PI16: variants seen among roughly 807,000 people sequenced by gnomAD.
PI16 encodes peptidase inhibitor 16, also known as PSP94-binding protein.
In PI16, 35 loss-of-function variants were observed where a neutral mutation model predicts 38.0. The ratio of observed to expected loss-of-function variants is 0.92; its 90% CI spans 0.70 to 1.22. The LOEUF is 1.22. Among genes scored for constraint, PI16 ranks in the 50% most tolerant of loss-of-function variants. The pLI is 0.00. For synonymous variants in PI16, 275 were observed against 252.9 expected (o/e 1.09, Z -0.83); for missense variants, 572 against 593.8 (o/e 0.96, Z 0.38).
At position 36,963,347 on chromosome 6, in the gene PI16, C is replaced by A; in HGVS notation, c.1005C>A (p.Asn335Lys). 6.2e-7 allele frequency: 1 copy of A among 1,614,204 alleles called. No individual in the cohort carries two copies. The highest frequency in any genetic ancestry group is 8.5e-7 in the Non-Finnish European group (1 of 1,180,030). ...AAGTGCCCTCTAGGAGCCCAGAGAA[C>A]TCTCTGGACCCCAAGATGTCCCTGA... Reference protein sequence around the residue: ...KTKVPSRSPENSLDPKMSLTG... With the variant: ...KTKVPSRSPEKSLDPKMSLTG... Residue 335 changes from asparagine (N) to lysine (K), a missense_variant, in exon 5 of 7, where the codon AAC becomes AAA. Physicochemically the swap from Asn to Lys is moderately conservative, Grantham distance 94 (BLOSUM62 0). Coordinates refer to ENST00000373674, the MANE Select transcript of PI16 (RefSeq NM_153370.3).
At chr6:36,956,059 T>G (rs1763197177) in intron 1 of PI16, among the ~76,000 whole-genome samples, 1 of 152,122 alleles carries the variant, frequency 6.6e-6, no homozygotes, top group Non-Finnish European at 1.5e-5. Context: ...CTCAGCCTAA[T>G]GTGATCTGGC....
At chr6:36,959,879 A>T (rs1469953267) in intron 2 of PI16, among the ~76,000 whole-genome samples, 34 of 151,402 alleles carry the variant, frequency 2.2e-4, no homozygotes, top group African/African-American at 5.6e-4. Flanking sequence ...AAAAAAAAAA[A>T]AAAAAATTAA....
rs1763362227 is a variant in PI16 at position 36,961,417 on chromosome 6, A to G, written c.394-34A>G. ...CCAGGAAGGCACCATGCCACCTCGC[A>G]TGGGGCTGAGCTGCTAGGTTTGCCC... is the stretch of plus-strand genomic sequence containing the variant. On this transcript the variant is annotated intron_variant, in intron 2 of 6. Transcript: ENST00000373674. 6 of 1,595,448 alleles carry G rather than the reference A, an allele frequency of 3.8e-6. No individual in the cohort carries two copies. In the East Asian group the frequency reaches 1.3e-4, roughly 36 times the overall value.
At chr6:36,951,858 G>A (rs1258211919), upstream of PI16, among the ~76,000 whole-genome samples, 3 of 151,952 alleles carry the variant, frequency 2.0e-5, no homozygotes, top group Non-Finnish European at 2.9e-5. Flanking sequence ...AAGATTGCGC[G>A]AGTGCACTCC....
At chr6:36,958,469 A>G (rs1763261180) in intron 1 of PI16, among the ~76,000 whole-genome samples, 1 of 152,176 alleles carries the variant, frequency 6.6e-6, no homozygotes, top group Non-Finnish European at 1.5e-5. Flanking sequence ...GTGGGTTACC[A>G]AGGCTCTGAA....
rs987017731 is a variant in PI16 at position 36,954,801 on chromosome 6, T to C, written c.41T>C (p.Leu14Pro). 1.9e-6 allele frequency: 3 copies of C among 1,614,044 alleles called. No individual in the cohort carries two copies. Among genetic ancestry groups the C allele is most frequent in the Non-Finnish European group, 2.5e-6 (3 of 1,180,008 alleles). The change falls in exon 1 of 7, where the codon CTA (leucine) becomes CCA (proline). Residue 14 changes from leucine (L) to proline (P), a missense_variant. Coordinates refer to ENST00000373674, the MANE Select transcript of PI16 (RefSeq NM_153370.3). ...AGTTTCCTGATGCTTCTGCTGCCGC[T>C]ACTGCTACTGCTGGTGGCCACCACA... ...SCSFLMLLLP[L>P]LLLLVATTGP...
upstream of PI16, among the ~76,000 whole-genome samples, chr6:36,950,839 G>A (rs116682050): frequency 0.015 from 2,261 of 152,176 alleles, 61 homozygotes; most frequent in African/African-American, 0.051. The surrounding 1 kb of genome is among the most constrained non-coding windows in gnomAD (Gnocchi z 4.2). Flanking sequence ...CACCGTGCCC[G>A]GCCAAGTCCC....
intron 1 of PI16, 56 bp from the exon 2 acceptor site, chr6:36,959,089 T>C: frequency 6.8e-7 from 1 of 1,480,852 alleles, no homozygotes. Flanking sequence ...ACCTTTTGCT[T>C]GGTCCCCACA....
Position 36,961,781 on chromosome 6 carries a change from C to G in PI16, c.504-105C>G, listed in dbSNP as rs528413486. ...GCCCAGCAAGTCAGTGGCTGGCAGTCAGGAGACCCAAGGGCATTTCCAGAG... is the reference window on the plus strand; with the variant it reads ...GCCCAGCAAGTCAGTGGCTGGCAGTGAGGAGACCCAAGGGCATTTCCAGAG... On this transcript the variant is annotated intron_variant, in intron 3 of 6. Coordinates refer to ENST00000373674, the MANE Select transcript of PI16 (RefSeq NM_153370.3). The G allele has an allele frequency of 1.1e-5, 12 of 1,074,916 alleles. No individual in the cohort carries two copies. In the African/African-American group the frequency reaches 1.9e-4, roughly 17 times the overall value. The allele number at this position is 1,074,916 out of a possible 1,614,324, so 66.6% of individuals were successfully genotyped here.
At position 36,962,539 on chromosome 6, in the gene PI16, C is replaced by T. The variant is rs552851863; in HGVS notation, c.593-396C>T. Among the ~76,000 whole-genome samples, 2 of 152,090 alleles carry T rather than the reference C, an allele frequency of 1.3e-5. No individual in the cohort carries two copies. The highest frequency in any genetic ancestry group is 2.9e-5 in the Non-Finnish European group (2 of 68,012). ...CCAGGCTAGAGTGCAATGGCTCGAT[C>T]TCGGCTCACCTGCAACCTCCGCCTC... is the stretch of plus-strand genomic sequence containing the variant. On this transcript the variant is annotated intron_variant, in intron 4 of 6. Transcript: ENST00000373674. This position sits in a 1 kb window ranked among gnomAD's most constrained non-coding sequence, Gnocchi z 4.1.
chr6:36,956,501 TGAG>T (rs1383076343), intron 1 of PI16, among the ~76,000 whole-genome samples: 10 of 152,178 alleles, frequency 6.6e-5, no homozygotes, highest in Non-Finnish European at 1.5e-4. Flanking sequence ...GGGAGTGACA[TGAG>T]GAGGAGGAGA....
Position 36,962,053 on chromosome 6 carries a change from T to C in PI16, c.592+79T>C. On this transcript the variant is annotated intron_variant, in intron 4 of 6. Coordinates refer to ENST00000373674, the MANE Select transcript of PI16 (RefSeq NM_153370.3). The surrounding 1 kb of genome is among the most constrained non-coding windows in gnomAD (Gnocchi z 4.1). ...AGACTGGATGGTCTAAGAGCCTCCC[T>C]GGACTGAGCGGGACGTGGGCAGGGA... is the stretch of plus-strand genomic sequence containing the variant. The C allele has an allele frequency of 7.9e-7, 1 of 1,272,508 alleles. No homozygotes were observed. Among genetic ancestry groups the C allele is most frequent in the Middle Eastern group, 1.9e-4 (1 of 5,366 alleles). The allele number at this position is 1,272,508 out of a possible 1,614,324, so 78.8% of individuals were successfully genotyped here.
In PI16 at chr6:36,962,927, C is replaced by T. The variant is rs1763411771; in HGVS notation, c.593-8C>T. ...AGCACTCATGCCCGTTCTCGTCTGTCTTATCAGAACCCATCGGAAGCCCGG... is the reference window on the plus strand; with the variant it reads ...AGCACTCATGCCCGTTCTCGTCTGTTTTATCAGAACCCATCGGAAGCCCGG... On this transcript the variant is annotated splice_polypyrimidine_tract_variant and splice_region_variant and intron_variant, in intron 4 of 6. Transcript: ENST00000373674. The surrounding 1 kb of genome is among the most constrained non-coding windows in gnomAD (Gnocchi z 4.1). 6.2e-7 allele frequency: 1 copy of T among 1,603,372 alleles called. No homozygotes were observed. The highest frequency in any genetic ancestry group is 8.5e-7 in the Non-Finnish European group (1 of 1,173,634).
chr6:36,961,196 G>T (rs1207883581), intron 2 of PI16, among the ~76,000 whole-genome samples: 1 of 152,210 alleles, frequency 6.6e-6, no homozygotes, highest in Non-Finnish European at 1.5e-5. Context: ...GCTGAGGGAA[G>T]GTTTTGAGAG....
In PI16 at chr6:36,962,840, G is replaced by C; in HGVS notation, c.593-95G>C. 9.7e-7 allele frequency: 1 copy of C among 1,031,440 alleles called. No homozygotes were observed. The highest frequency in any genetic ancestry group is 1.4e-6 in the Non-Finnish European group (1 of 703,774). 63.9% of individuals were successfully genotyped at this position (1,031,440 alleles called of 1,614,324 possible). ...TGTATGTGTGTGTTTGTGTGTCCTGGTAGGACATTTGGTCGCGTCACTTGG... is the reference window on the plus strand; with the variant it reads ...TGTATGTGTGTGTTTGTGTGTCCTGCTAGGACATTTGGTCGCGTCACTTGG... On this transcript the variant is annotated intron_variant, in intron 4 of 6. Transcript: ENST00000373674. This position sits in a 1 kb window ranked among gnomAD's most constrained non-coding sequence, Gnocchi z 4.1.
chr6:36,954,562 C>A, upstream of PI16: 1 of 704,350 alleles, frequency 1.4e-6, no homozygotes, highest in Non-Finnish European at 2.2e-6. Context: ...AGGTTTTTGC[C>A]AAGGACTCCA....
In PI16 at chr6:36,962,770, GCTTGTAA is replaced by G. The variant is rs1484333773; in HGVS notation, c.593-161_593-155del. ...TTACAGACGTGAGCCACCGCGCCCG[GCTTGTAA>G]CTTTTATTTTCAATGAGGGGCATAT... On this transcript the variant is annotated intron_variant, in intron 4 of 6. Coordinates refer to ENST00000373674, the MANE Select transcript of PI16 (RefSeq NM_153370.3). The surrounding 1 kb of genome is among the most constrained non-coding windows in gnomAD (Gnocchi z 4.1). Among the ~76,000 whole-genome samples the G allele has an allele frequency of 6.6e-6, 1 of 152,212 alleles. No homozygotes were observed. The highest frequency in any genetic ancestry group is 2.4e-5 in the African/African-American group (1 of 41,452).
rs1266985304 is a variant in PI16 at position 36,963,512 on chromosome 6, G to A, written c.1170G>A (p.Thr390=). ...PGELQATLDH[T]GHTSSKSLPN... ...AGCTGCAGGCCACACTGGACCACAC[G>A]GGGCACACCTCCTCCAAGTCCCTGC... is the stretch of plus-strand genomic sequence containing the variant. The change falls in exon 5 of 7, where the codon ACG becomes ACA. Residue 390 remains threonine (T), a synonymous_variant. Transcript: ENST00000373674. 17 of 1,614,022 alleles carry A rather than the reference G, an allele frequency of 1.1e-5. No individual in the cohort carries two copies. The highest frequency in any genetic ancestry group is 2.2e-5 in the South Asian group (2 of 91,088).
At position 36,959,232 on chromosome 6, in the gene PI16, G is replaced by A. The variant is rs1016531209; in HGVS notation, c.259G>A (p.Glu87Lys). 3 of 1,609,392 alleles carry A rather than the reference G, an allele frequency of 1.9e-6. No individual in the cohort carries two copies. The highest frequency in any genetic ancestry group is 1.3e-5 in the African/African-American group (1 of 74,884). ...CAACAAGGAGCGCGGGCGCCGCGGC[G>A]AGAATCTGTTCGCCATCACAGACGA... is the stretch of plus-strand genomic sequence containing the variant. ...GHNKERGRRG[E>K]NLFAITDEGM... Residue 87 changes from glutamate (E) to lysine (K), a missense_variant, in exon 2 of 7, where the codon GAG becomes AAG. Glu to Lys is a moderately conservative substitution (Grantham distance 56). Transcript: ENST00000373674.
Sources: allele counts gnomAD v4.1 joint callset (sites outside exome capture counted in the v4.1 genomes callset), GRCh38; gene constraint gnomAD v4.1.1; non-coding constraint Gnocchi (gnomAD v3.1); transcripts MANE v1.5; gene names NCBI Gene and HGNC (gene_info 2026-07-23, HGNC 2026-07-21).